IQGAP2: variants seen among roughly 807,000 people sequenced by gnomAD.
IQGAP2 encodes the protein ras GTPase-activating-like protein IQGAP2.
Under a neutral mutation model 201.3 loss-of-function variants are expected in IQGAP2, and 173 were observed. That is an observed-to-expected ratio of 0.86 (90% CI 0.76 to 0.98). The LOEUF (loss-of-function observed/expected upper bound fraction) is 0.98, where lower values mean the gene tolerates loss of function less well. IQGAP2 is among the 50% of genes least tolerant of loss of function. The pLI is 0.00. For synonymous variants in IQGAP2, 675 were observed against 673.9 expected, an observed-to-expected ratio of 1.00 and a Z score of -0.03; for missense variants, 1,687 against 1,864.8, an observed-to-expected ratio of 0.90 and a Z score of 1.76.
chr5:76,452,884 T>C (rs1455129311), intron 1 of IQGAP2, among the ~76,000 whole-genome samples: 1 of 151,966 alleles, frequency 6.6e-6, no homozygotes, highest in Non-Finnish European at 1.5e-5. Flanking sequence ...TCGAAAAATG[T>C]ATTTTCCAAT....
At chr5:76,519,097 T>C (rs1032687389) in intron 2 of IQGAP2, among the ~76,000 whole-genome samples, 23 of 152,172 alleles carry the variant, frequency 1.5e-4, no homozygotes, top group African/African-American at 4.8e-4. Flanking sequence ...CATGAATTCA[T>C]TTTTTGGTGT....
chr5:76,525,398 A>T (rs1175357233), intron 2 of IQGAP2, among the ~76,000 whole-genome samples: 1 of 152,170 alleles, frequency 6.6e-6, no homozygotes, highest in African/African-American at 2.4e-5. Flanking sequence ...GAGCCATGCA[A>T]ATTTATAAGA....
In IQGAP2 at chr5:76,606,237, T is replaced by C. The variant is rs1747794723; in HGVS notation, c.1291T>C (p.Leu431=). The C allele has an allele frequency of 6.2e-7, 1 of 1,605,488 alleles. No individual in the cohort carries two copies. Among genetic ancestry groups the C allele is most frequent in the African/African-American group, 1.3e-5 (1 of 74,738 alleles). ...AGTTTTATCCCAAGGGCAAGATAAC[T>C]TAAGCTGGAATGAAATTCAGAATTG... ...LEVLSQGQDN[L]SWNEIQNCID... Residue 431 remains leucine (L), a synonymous_variant, in exon 12 of 36, where the codon TTA becomes CTA. Coordinates refer to ENST00000274364, the MANE Select transcript of IQGAP2 (RefSeq NM_006633.5).
chr5:76,560,610 T>G (rs931472496), intron 2 of IQGAP2, among the ~76,000 whole-genome samples: 1 of 152,232 alleles, frequency 6.6e-6, no homozygotes, highest in Non-Finnish European at 1.5e-5. Flanking sequence ...TTTCCTTGAT[T>G]GCTGCAGTGA....
intron 2 of IQGAP2, among the ~76,000 whole-genome samples, chr5:76,510,248 C>T (rs907587602): frequency 6.6e-6 from 1 of 152,184 alleles, no homozygotes; most frequent in African/African-American, 2.4e-5. Context: ...GATCCACCCG[C>T]CTCAGCCTCC....
intron 1 of IQGAP2, among the ~76,000 whole-genome samples, chr5:76,414,634 A>G (rs1415787243): frequency 1.3e-5 from 2 of 152,208 alleles, no homozygotes; most frequent in African/African-American, 4.8e-5. Flanking sequence ...CATCTGGGCA[A>G]CGTAGCAAGA....
At chr5:76,594,758 C>T (rs751346893) in intron 9 of IQGAP2, among the ~76,000 whole-genome samples, 1 of 151,978 alleles carries the variant, frequency 6.6e-6, no homozygotes, top group Non-Finnish European at 1.5e-5. Context: ...CGAGGTCAAG[C>T]GTTCAAGACC....
chr5:76,580,062 G>C (rs1745733740), intron 5 of IQGAP2, among the ~76,000 whole-genome samples: 1 of 152,088 alleles, frequency 6.6e-6, no homozygotes, highest in South Asian at 2.1e-4. Flanking sequence ...GATCATGTGA[G>C]GTCAGGAGTT....
At chr5:76,470,730 A>T in intron 2 of IQGAP2, among the ~76,000 whole-genome samples, 1 of 152,030 alleles carries the variant, frequency 6.6e-6, no homozygotes, top group Non-Finnish European at 1.5e-5. Context: ...ATTTTTTTTA[A>T]TTGGGAGCTG....
At chr5:76,457,740 T>C (rs951374075) in intron 1 of IQGAP2, among the ~76,000 whole-genome samples, 1 of 152,240 alleles carries the variant, frequency 6.6e-6, no homozygotes, top group African/African-American at 2.4e-5. Context: ...AAAGGACCCT[T>C]TCATTTCTAA....
At chr5:76,511,835 T>C (rs540094457) in intron 2 of IQGAP2, among the ~76,000 whole-genome samples, 2,053 of 115,012 alleles carry the variant, frequency 0.018, no homozygotes, top group South Asian at 0.019. Context: ...CGCCCGCCAC[T>C]ACGCCCGGCT....
intron 1 of IQGAP2, among the ~76,000 whole-genome samples, 170 bp from the exon 2 acceptor site, chr5:76,461,400 A>G (rs1324727204): frequency 1.3e-5 from 2 of 151,978 alleles, no homozygotes; most frequent in East Asian, 3.9e-4. Context: ...AAGGAAAAGA[A>G]ATGATATTGT....
In IQGAP2 at chr5:76,644,295, C is replaced by CTTTTTTTTTT. The variant is rs547155944; in HGVS notation, c.2094+3205_2094+3214dup. On this transcript the variant is annotated intron_variant, in intron 17 of 35. Transcript: ENST00000274364. Reference sequence around the variant, plus strand: ...AATGAGACTGCCATTTTTGTAAATCCTTTTTTTTTTTTTTTTTTTTTTGAG... The same window carrying CTTTTTTTTTT: ...AATGAGACTGCCATTTTTGTAAATCCTTTTTTTTTTTTTTTTTTTTTTTTTTTTTTTTGAG... Among the ~76,000 whole-genome samples, 200 of 47,702 alleles carry CTTTTTTTTTT rather than the reference C, an allele frequency of 4.2e-3. 13 individuals are homozygous for CTTTTTTTTTT. The highest frequency in any genetic ancestry group is 0.042 in the Middle Eastern group (3 of 72). 31.3% of individuals were successfully genotyped at this position (47,702 alleles called of 152,430 possible).
intron 17 of IQGAP2, among the ~76,000 whole-genome samples, chr5:76,644,913 A>G (rs1245743716): frequency 6.6e-6 from 1 of 152,184 alleles, no homozygotes; most frequent in Non-Finnish European, 1.5e-5. Context: ...GGTTTGTTAC[A>G]TAGGTATACA....
chr5:76,543,887 G>T (rs1182387054), intron 2 of IQGAP2, among the ~76,000 whole-genome samples: 6 of 152,166 alleles, frequency 3.9e-5, no homozygotes, highest in Admixed American at 6.5e-5. Flanking sequence ...GCCGCAGAAA[G>T]AAGTTTTCTC....
chr5:76,585,392 G>A (rs1746172886), intron 5 of IQGAP2, among the ~76,000 whole-genome samples: 1 of 151,982 alleles, frequency 6.6e-6, no homozygotes, highest in Non-Finnish European at 1.5e-5. Context: ...TGTAAATTAG[G>A]TATATTTTTG....
intron 2 of IQGAP2, among the ~76,000 whole-genome samples, chr5:76,543,308 C>T (rs886257150): frequency 1.3e-4 from 20 of 152,164 alleles, no homozygotes; most frequent in African/African-American, 4.6e-4. Context: ...CATGACACCC[C>T]TTGTGGTTTT....
intron 13 of IQGAP2, among the ~76,000 whole-genome samples, chr5:76,615,190 C>A (rs576416283): frequency 8.2e-4 from 125 of 152,312 alleles, no homozygotes; most frequent in Middle Eastern, 3.4e-3. Context: ...CCAAAAAGTT[C>A]TGTTTTGCTC....
chr5:76,625,106 T>C (rs1225223305), intron 13 of IQGAP2, among the ~76,000 whole-genome samples: 1 of 152,202 alleles, frequency 6.6e-6, no homozygotes, highest in Non-Finnish European at 1.5e-5. Flanking sequence ...ATTCAGCTTT[T>C]ACTTTTGGTT....
Sources: allele counts gnomAD v4.1 joint callset (sites outside exome capture counted in the v4.1 genomes callset), GRCh38; gene constraint gnomAD v4.1.1; transcripts MANE v1.5; gene names NCBI Gene and HGNC (gene_info 2026-07-23, HGNC 2026-07-21).